Variants in CR1 observed in about 807,000 individuals in gnomAD.
The protein encoded by CR1 is complement C3b/C4b receptor 1 (Knops blood group), also known as complement receptor type 1.
CR1 carries 116 observed loss-of-function variants against 187.3 expected under a neutral mutation model. The observed-to-expected ratio is 0.62, with a 90% CI of 0.53 to 0.72. The LOEUF (loss-of-function observed/expected upper bound fraction) is 0.72. Among genes scored for constraint, CR1 ranks in the 30% least tolerant of loss-of-function variants. The pLI is 0.00. For synonymous variants in CR1, 576 were observed against 747.1 expected, an observed-to-expected ratio of 0.77 and a Z score of 3.73; for missense variants, 1,731 against 2,110.7, an observed-to-expected ratio of 0.82 and a Z score of 3.52.
chr1:207,512,483 C>A (rs1659654357), intron 4 of CR1, among the ~76,000 whole-genome samples: 1 of 152,122 alleles, frequency 6.6e-6, no homozygotes, highest in African/African-American at 2.4e-5. Flanking sequence ...AAATAATACA[C>A]CTATGTAGTG....
intron 35 of CR1, among the ~76,000 whole-genome samples, chr1:207,592,789 T>C (rs1222997867): frequency 6.6e-6 from 1 of 152,092 alleles, no homozygotes; most frequent in Non-Finnish European, 1.5e-5. Flanking sequence ...AGCATTCCTA[T>C]ACACCAATAA....
intron 24 of CR1, among the ~76,000 whole-genome samples, chr1:207,567,548 T>G (rs1358373351): frequency 6.6e-6 from 1 of 150,396 alleles, no homozygotes; most frequent in Admixed American, 6.6e-5. Context: ...AAATGGTTAT[T>G]TTTCTTCTTC....
At chr1:207,577,669 T>A (rs1660795147) in intron 28 of CR1, 136 bp from the exon 29 acceptor site, 3 of 1,373,110 alleles carry the variant, frequency 2.2e-6, no homozygotes, top group Non-Finnish European at 2.0e-6. Flanking sequence ...ACTCGGGAGG[T>A]TGAGGTGGGA....
intron 5 of CR1, among the ~76,000 whole-genome samples, chr1:207,525,261 A>G (rs1177104612): frequency 2.0e-5 from 3 of 151,682 alleles, no homozygotes; most frequent in South Asian, 2.1e-4. Context: ...ATAGAGCCAA[A>G]TCATATCGCA....
intron 45 of CR1, among the ~76,000 whole-genome samples, chr1:207,627,938 A>G (rs1257515889): frequency 6.6e-6 from 1 of 152,158 alleles, no homozygotes; most frequent in East Asian, 1.9e-4. Flanking sequence ...TCTCTTTTCT[A>G]AGGGCACTAG....
Position 207,577,960 on chromosome 1 carries a change from T to C in CR1, c.4693T>C (p.Cys1565Arg). ...FELVGEPSIY[C>R]TSNDDQVGIW... The stretch of plus-strand genomic sequence containing the variant: ...GCTTGTGGGTGAGCCCTCCATATAC[T>C]GCACCAGCAATGACGATCAAGTGGG... Residue 1565 changes from cysteine to arginine, a missense_variant, in exon 29 of 47, where the codon TGC becomes CGC. By Grantham distance (180) the Cys-to-Arg change is radical (BLOSUM62 -3). Coordinates refer to ENST00000367049, the MANE Select transcript of CR1 (RefSeq NM_000651.6). 3 of 1,611,958 alleles carry C rather than the reference T, an allele frequency of 1.9e-6. No individual in the cohort carries two copies. Among genetic ancestry groups the C allele is most frequent in the Non-Finnish European group, 2.5e-6 (3 of 1,179,718 alleles).
intron 4 of CR1, among the ~76,000 whole-genome samples, chr1:207,514,834 T>A (rs1349303575): frequency 6.6e-6 from 1 of 151,910 alleles, no homozygotes; most frequent in African/African-American, 2.4e-5. Flanking sequence ...TTTGTTTCCT[T>A]GTAAGGGTTT....
In CR1 at chr1:207,618,979, A is replaced by G. The variant is rs569286503; in HGVS notation, c.7066+732A>G. Among the ~76,000 whole-genome samples, 337 of 145,552 alleles carry G rather than the reference A, an allele frequency of 2.3e-3. 2 individuals are homozygous for G. The highest frequency in any genetic ancestry group is 3.7e-3 in the Non-Finnish European group (248 of 67,166). ...ACTTGAACCCAGAGGCAGAGGTTGCAGTGAGCTGAGATCACGCCACTGCAC... is the reference window on the plus strand; with the variant it reads ...ACTTGAACCCAGAGGCAGAGGTTGCGGTGAGCTGAGATCACGCCACTGCAC... On this transcript the variant is annotated intron_variant, in intron 42 of 46. Coordinates refer to ENST00000367049, the MANE Select transcript of CR1 (RefSeq NM_000651.6).
At chr1:207,595,641 A>G (rs900953098) in intron 35 of CR1, among the ~76,000 whole-genome samples, 1 of 151,894 alleles carries the variant, frequency 6.6e-6, no homozygotes, top group African/African-American at 2.4e-5. Flanking sequence ...CGTCTTAAAT[A>G]AGAAGGAACC....
At chr1:207,512,806 G>A (rs1209834385) in intron 4 of CR1, among the ~76,000 whole-genome samples, 1 of 152,156 alleles carries the variant, frequency 6.6e-6, no homozygotes, top group Non-Finnish European at 1.5e-5. Flanking sequence ...TAGTAAAATA[G>A]AGAAAACAAA....
chr1:207,578,539 A>G (rs914208571), intron 29 of CR1, among the ~76,000 whole-genome samples: 3 of 152,252 alleles, frequency 2.0e-5, no homozygotes, highest in African/African-American at 7.2e-5. Flanking sequence ...TAAGCACTTT[A>G]TATGCATTTT....
chr1:207,565,415 A>G (rs1307033957), intron 23 of CR1, among the ~76,000 whole-genome samples: 2 of 150,244 alleles, frequency 1.3e-5, no homozygotes, highest in African/African-American at 5.0e-5. Context: ...CTCGCCAGCT[A>G]TTTCCCACTT....
At chr1:207,568,127 T>G (rs1660566737) in intron 25 of CR1, 85 bp downstream of exon 25, 1 of 1,608,468 alleles carries the variant, frequency 6.2e-7, no homozygotes, top group East Asian at 2.2e-5. Context: ...AGTGTAGTAT[T>G]TATTTGTATG....
At chr1:207,622,087 A>C (rs1662331567) in intron 44 of CR1, 91 bp downstream of exon 44, 1 of 1,069,990 alleles carries the variant, frequency 9.3e-7, no homozygotes, top group Admixed American at 2.5e-5. Context: ...AGAGAGATCA[A>C]AATGTCTTGA....
intron 35 of CR1, among the ~76,000 whole-genome samples, chr1:207,605,257 C>CAAAAA (rs200443731): frequency 1.2e-5 from 1 of 81,384 alleles, no homozygotes; most frequent in Non-Finnish European, 2.4e-5. Flanking sequence ...CAGACCCTGT[C>CAAAAA]AAAAAAAAAA....
chr1:207,640,607 T>A lies in CR1; in HGVS notation c.*1198T>A, dbSNP rs536952026. The A allele has an allele frequency of 2.0e-5, 3 of 152,332 alleles. No individual in the cohort carries two copies. In the East Asian group the frequency reaches 5.8e-4, roughly 29 times the overall value. The allele number at this position is 152,332 out of a possible 1,614,324, so 9.4% of individuals were successfully genotyped here. A position where few individuals can be genotyped will look rare whatever the true frequency, so the allele number is the denominator to read the frequency against. On this transcript the variant is annotated 3_prime_UTR_variant, in exon 47 of 47. Transcript: ENST00000367049. ...TTTTTAAAACACAACTTTTAAAAAA[T>A]GTATCAAAATAATAAACGTGTTCTG...
At chr1:207,604,969 A>G (rs747185050) in intron 35 of CR1, among the ~76,000 whole-genome samples, 2 of 152,050 alleles carry the variant, frequency 1.3e-5, no homozygotes, top group Non-Finnish European at 2.9e-5. Flanking sequence ...AATAATGTGT[A>G]TTTCCAAATT....
At chr1:207,580,215 T>C in intron 29 of CR1, 25 bp from the exon 30 acceptor site, 1 of 1,611,148 alleles carries the variant, frequency 6.2e-7, no homozygotes, top group Non-Finnish European at 8.5e-7. Context: ...AACTAACAAG[T>C]ACTCTGGAAC....
rs1221159724 is a variant in CR1, at chr1:207,526,687, C to T, written c.887-66C>T. On this transcript the variant is annotated intron_variant, in intron 5 of 46. Transcript: ENST00000367049. ...AGATTTGTAATTATTATTCCCTTGGCCAGTTTAACAGTGAGAAAAAAGTTG... is the reference window on the plus strand; with the variant it reads ...AGATTTGTAATTATTATTCCCTTGGTCAGTTTAACAGTGAGAAAAAAGTTG... 1.9e-5 allele frequency: 28 copies of T among 1,482,186 alleles called. 4 individuals carry two copies. Among genetic ancestry groups the T allele is most frequent in the East Asian group, 4.8e-5 (2 of 41,284 alleles). 91.8% of individuals were successfully genotyped at this position (1,482,186 alleles called of 1,614,324 possible). A position where few individuals can be genotyped will look rare whatever the true frequency, so the allele number is the denominator to read the frequency against.
Sources: allele counts gnomAD v4.1 joint callset (sites outside exome capture counted in the v4.1 genomes callset), GRCh38; gene constraint gnomAD v4.1.1; transcripts MANE v1.5; gene names NCBI Gene and HGNC (gene_info 2026-07-23, HGNC 2026-07-21).